The following NELL2 variants were observed in gnomAD, a reference collection of about 807,000 sequenced individuals.
The protein encoded by NELL2 is neural EGFL like 2.
Under a neutral mutation model 109.6 loss-of-function variants are expected in NELL2, and 41 were observed. The observed-to-expected ratio is 0.37, with a 90% CI of 0.29 to 0.49. NELL2 has a LOEUF of 0.49. NELL2 is among the 20% of genes least tolerant of loss of function. The pLI is 0.98. For synonymous variants in NELL2, 355 were observed against 344.7 expected, an observed-to-expected ratio of 1.03 and a Z score of -0.33; for missense variants, 900 against 1,008.3, an observed-to-expected ratio of 0.89 and a Z score of 1.45.
intron 15 of NELL2, among the ~76,000 whole-genome samples, chr12:44,606,741 G>C (rs981477932): frequency 1.3e-5 from 2 of 151,992 alleles, no homozygotes; most frequent in African/African-American, 4.8e-5. Context: ...AATAATTAAA[G>C]GGCCAGATAA....
intron 15 of NELL2, among the ~76,000 whole-genome samples, chr12:44,605,977 A>G (rs1429516979): frequency 1.3e-5 from 2 of 152,140 alleles, no homozygotes; most frequent in Non-Finnish European, 2.9e-5. Flanking sequence ...CAAGTTATCA[A>G]TCTCTATAGG....
chr12:44,591,297 A>G (rs999937228), intron 15 of NELL2, among the ~76,000 whole-genome samples: 3 of 152,212 alleles, frequency 2.0e-5, no homozygotes, highest in African/African-American at 7.2e-5. Context: ...AGGAAAGGAA[A>G]TCAGAATATT....
intron 9 of NELL2, among the ~76,000 whole-genome samples, chr12:44,726,035 T>A (rs571840719): frequency 6.6e-6 from 1 of 152,186 alleles, no homozygotes; most frequent in African/African-American, 2.4e-5. Context: ...TGCATAACAA[T>A]AAATACACTG....
chr12:44,573,026 G>C (rs1045356028), intron 15 of NELL2, among the ~76,000 whole-genome samples: 2 of 152,196 alleles, frequency 1.3e-5, no homozygotes, highest in Non-Finnish European at 2.9e-5. Flanking sequence ...TGACCCAAAG[G>C]CTGAGGTGAA....
chr12:44,807,294 T>C (rs1417890661), intron 3 of NELL2, among the ~76,000 whole-genome samples: 1 of 150,020 alleles, frequency 6.7e-6, no homozygotes, highest in Non-Finnish European at 1.5e-5. Flanking sequence ...ACATTATATT[T>C]AATAGGAATT....
intron 13 of NELL2, among the ~76,000 whole-genome samples, chr12:44,620,338 G>A (rs954349738): frequency 6.6e-6 from 1 of 151,956 alleles, no homozygotes; most frequent in Admixed American, 6.6e-5. Context: ...AAAATGACTG[G>A]CACAAAATTG....
chr12:44,853,234 A>C (rs553569822), intron 2 of NELL2, among the ~76,000 whole-genome samples: 3 of 152,320 alleles, frequency 2.0e-5, no homozygotes, highest in Non-Finnish European at 4.4e-5. Context: ...GAAATTAATA[A>C]TAAGCTTCAG....
intron 13 of NELL2, among the ~76,000 whole-genome samples, chr12:44,644,608 GTATATATATA>G (rs1180129986): frequency 3.3e-5 from 3 of 90,832 alleles, no homozygotes; most frequent in South Asian, 7.5e-4. Flanking sequence ...ATATATGTAT[GTATATATATA>G]TATATATACA....
At chr12:44,621,247 A>C (rs773750592) in intron 13 of NELL2, among the ~76,000 whole-genome samples, 7 of 152,156 alleles carry the variant, frequency 4.6e-5, no homozygotes, top group Non-Finnish European at 1.0e-4. Flanking sequence ...ACTCCTTCAG[A>C]AAATTTTCTT....
chr12:44,791,757 G>A (rs1009000891), intron 3 of NELL2, among the ~76,000 whole-genome samples: 16 of 151,992 alleles, frequency 1.1e-4, no homozygotes, highest in Non-Finnish European at 2.2e-4. Flanking sequence ...TTTAGATAAG[G>A]TAAATCAAGT....
chr12:44,665,194 C>T (rs931546460), intron 13 of NELL2, among the ~76,000 whole-genome samples: 1 of 152,002 alleles, frequency 6.6e-6, no homozygotes. Context: ...CTCAGATTGA[C>T]CATAGTATTT....
intron 12 of NELL2, among the ~76,000 whole-genome samples, chr12:44,689,254 T>C (rs1341072413): frequency 1.3e-5 from 2 of 152,198 alleles, no homozygotes; most frequent in African/African-American, 2.4e-5. Context: ...GTCCCTATTG[T>C]CCCTTTGAAA....
At chr12:44,853,431 T>C (rs1351896986) in intron 2 of NELL2, among the ~76,000 whole-genome samples, 5 of 152,164 alleles carry the variant, frequency 3.3e-5, no homozygotes, top group Admixed American at 1.3e-4. Context: ...TAGAGTCAAA[T>C]TTGGACTGAA....
chr12:44,585,401 A>C (rs977233228), intron 15 of NELL2, among the ~76,000 whole-genome samples: 7 of 152,198 alleles, frequency 4.6e-5, no homozygotes, highest in African/African-American at 1.7e-4. Flanking sequence ...CAGGAGTTCG[A>C]GACCACCCTG....
At chr12:44,564,953 G>A (rs1943599849) in intron 15 of NELL2, among the ~76,000 whole-genome samples, 1 of 152,156 alleles carries the variant, frequency 6.6e-6, no homozygotes, top group Non-Finnish European at 1.5e-5. Context: ...ATCCCTTACA[G>A]CAGTGGTTCT....
chr12:44,668,941 C>A (rs1019573399), intron 12 of NELL2, among the ~76,000 whole-genome samples: 1 of 152,076 alleles, frequency 6.6e-6, no homozygotes, highest in Non-Finnish European at 1.5e-5. Flanking sequence ...CAAGAACAGG[C>A]CCACCCATAT....
rs1942523427 is a variant in NELL2 at position 44,540,797 on chromosome 12, A to AAAAAAAAAAAAAAAAAAAAAAC, written c.1664-8077_1664-8076insGTTTTTTTTTTTTTTTTTTTTT. 1.3e-5 allele frequency among the ~76,000 whole-genome samples: 2 copies of AAAAAAAAAAAAAAAAAAAAAAC among 150,302 alleles called. 1 individual carries two copies. The highest frequency in any genetic ancestry group is 4.9e-5 in the African/African-American group (2 of 41,106). On this transcript the variant is annotated intron_variant, in intron 15 of 19. Transcript: ENST00000429094. The stretch of plus-strand genomic sequence containing the variant: ...TCTGCAAGCCAAAAAAAAAAAAAAA[A>AAAAAAAAAAAAAAAAAAAAAAC]AGCCCATCCTCATATCAAAGCTCAA...
At chr12:44,684,383 A>G (rs573503918) in intron 12 of NELL2, among the ~76,000 whole-genome samples, 3 of 151,978 alleles carry the variant, frequency 2.0e-5, no homozygotes, top group African/African-American at 4.8e-5. Flanking sequence ...TGGATTCGTT[A>G]ATTTTTTGAA....
At chr12:44,840,380 T>C (rs1944187322) in intron 2 of NELL2, among the ~76,000 whole-genome samples, 1 of 152,338 alleles carries the variant, frequency 6.6e-6, no homozygotes, top group Admixed American at 6.5e-5. Flanking sequence ...AAAAGTTAAA[T>C]TCCACACTGG....
Sources: allele counts gnomAD v4.1 joint callset (sites outside exome capture counted in the v4.1 genomes callset), GRCh38; gene constraint gnomAD v4.1.1; transcripts MANE v1.5; gene names NCBI Gene and HGNC (gene_info 2026-07-23, HGNC 2026-07-21).